The following CCDC30 variants were observed in gnomAD, a reference collection of about 807,000 sequenced individuals.
CCDC30 encodes coiled-coil domain-containing protein 30.
Under a neutral mutation model 100.2 loss-of-function variants are expected in CCDC30, and 70 were observed. The ratio of observed to expected loss-of-function variants is 0.70; its 90% CI spans 0.58 to 0.85. The LOEUF (loss-of-function observed/expected upper bound fraction) is 0.85, where lower values mean the gene tolerates loss of function less well. Among genes scored for constraint, CCDC30 ranks in the 40% least tolerant of loss-of-function variants. The pLI is 0.00. For missense variants in CCDC30, 652 were observed against 771.2 expected, an observed-to-expected ratio of 0.85 and a Z score of 1.83; for synonymous variants, 233 against 269.5, an observed-to-expected ratio of 0.86 and a Z score of 1.33.
At chr1:42,534,836 G>A (rs1351810836) in intron 6 of CCDC30, 3 of 151,818 alleles carry the variant, frequency 2.0e-5, no homozygotes, top group Admixed American at 6.6e-5. Flanking sequence ...AAGAAATGTC[G>A]CTTTTTTTCA....
intron 11 of CCDC30, among the ~76,000 whole-genome samples, chr1:42,636,245 C>G (rs900497836): frequency 2.0e-5 from 3 of 151,718 alleles, no homozygotes; most frequent in African/African-American, 7.3e-5. Flanking sequence ...TGTGAGACAC[C>G]CATCTCTACA....
intron 6 of CCDC30, among the ~76,000 whole-genome samples, chr1:42,502,053 A>T (rs139684072): frequency 0.13 from 19,685 of 152,142 alleles, 1,467 homozygotes; most frequent in East Asian, 0.18. Flanking sequence ...CTGCCCCCAG[A>T]GGTGGAGTCT....
intron 11 of CCDC30, among the ~76,000 whole-genome samples, chr1:42,621,497 T>TTTATTTATTTA (rs1553124497): frequency 6.9e-6 from 1 of 145,192 alleles, no homozygotes; most frequent in Non-Finnish European, 1.5e-5. Flanking sequence ...GTTTATTTTA[T>TTTATTTATTTA]TTTATTTATT....
chr1:42,560,500 G>T (rs1418406842), intron 6 of CCDC30, among the ~76,000 whole-genome samples: 2 of 152,022 alleles, frequency 1.3e-5, no homozygotes, highest in African/African-American at 2.4e-5. Context: ...CTCCCAAGTA[G>T]CTGGGATTAC....
At chr1:42,637,050 G>C (rs892184463) in intron 11 of CCDC30, among the ~76,000 whole-genome samples, 187 bp from the exon 16 acceptor site, 3 of 149,938 alleles carry the variant, frequency 2.0e-5, no homozygotes, top group Non-Finnish European at 4.4e-5. Context: ...GTGTTATATA[G>C]GGGGTTATCC....
chr1:42,479,203 C>G (rs1262710139), intron 1 of CCDC30, among the ~76,000 whole-genome samples: 1 of 152,122 alleles, frequency 6.6e-6, no homozygotes, highest in Non-Finnish European at 1.5e-5. Context: ...TGGTGAAACC[C>G]CATCTCTACT....
chr1:42,643,244 T>C (rs1433651196), intron 13 of CCDC30, among the ~76,000 whole-genome samples: 1 of 152,166 alleles, frequency 6.6e-6, no homozygotes, highest in Admixed American at 6.5e-5. Flanking sequence ...GAGGCACTAT[T>C]AGCCTTATTT....
chr1:42,617,478 G>A (rs1223352579), intron 11 of CCDC30, among the ~76,000 whole-genome samples: 2 of 152,112 alleles, frequency 1.3e-5, no homozygotes, highest in East Asian at 3.9e-4. Context: ...TCAAGACAGG[G>A]GAATTGCAAG....
intron 7 of CCDC30, among the ~76,000 whole-genome samples, chr1:42,575,649 C>CAAAAAAAAAAAAAGA (rs71065186): frequency 1.3e-5 from 1 of 76,950 alleles, no homozygotes; most frequent in African/African-American, 5.5e-5. Context: ...GACCCTGTCT[C>CAAAAAAAAAAAAAGA]AAAAAAAAAG....
chr1:42,554,497 C>T (rs140893767), intron 6 of CCDC30, among the ~76,000 whole-genome samples: 19,546 of 151,862 alleles, frequency 0.13, 1,449 homozygotes, highest in East Asian at 0.17. Context: ...AGGCTGGTCT[C>T]GAACTCCTGA....
At chr1:42,583,433 A>G (rs1268879451) in intron 9 of CCDC30, among the ~76,000 whole-genome samples, 3 of 152,230 alleles carry the variant, frequency 2.0e-5, no homozygotes, top group Admixed American at 1.3e-4. Flanking sequence ...CCTATAGTGT[A>G]TATTGTTTCA....
chr1:42,506,841 G>T (rs1644401838), intron 6 of CCDC30, among the ~76,000 whole-genome samples: 1 of 152,164 alleles, frequency 6.6e-6, no homozygotes, highest in African/African-American at 2.4e-5. Context: ...AAAATGATAA[G>T]TCAAAAAGCA....
chr1:42,551,371 A>T (rs901275252), intron 6 of CCDC30, among the ~76,000 whole-genome samples: 32 of 152,178 alleles, frequency 2.1e-4, no homozygotes, highest in Admixed American at 2.6e-4. Context: ...TTGCAGAAGT[A>T]TTGCATGATG....
At chr1:42,473,188 A>G (rs1415119811) in intron 1 of CCDC30, 1 of 1,231,264 alleles carries the variant, frequency 8.1e-7, no homozygotes, top group South Asian at 4.1e-5. Context: ...CCTTGCTACT[A>G]CAGAAGAACA....
chr1:42,649,557 C>G (rs529669765), intron 15 of CCDC30, among the ~76,000 whole-genome samples: 1 of 152,126 alleles, frequency 6.6e-6, no homozygotes, highest in African/African-American at 2.4e-5. Context: ...AGGATGCCCA[C>G]GCTCACCACT....
At chr1:42,472,325 A>T (rs1643797402) in intron 1 of CCDC30, among the ~76,000 whole-genome samples, 1 of 152,228 alleles carries the variant, frequency 6.6e-6, no homozygotes. Context: ...TTTATCTTTC[A>T]TATACTGTCA....
intron 1 of CCDC30, among the ~76,000 whole-genome samples, chr1:42,466,881 G>A (rs925106552): frequency 1.3e-5 from 2 of 152,140 alleles, no homozygotes; most frequent in South Asian, 4.1e-4. Context: ...ACTTTGTTGT[G>A]TGGGCAATTT....
chr1:42,481,823 A>G (rs185524019), intron 2 of CCDC30, among the ~76,000 whole-genome samples: 19 of 152,338 alleles, frequency 1.2e-4, no homozygotes, highest in Non-Finnish European at 2.2e-4. Context: ...ACTGTACATC[A>G]CAGTATTATT....
In CCDC30 at chr1:42,642,236, C is replaced by CAA. The variant is rs200832299; in HGVS notation, c.1420-235_1420-234dup. Among the ~76,000 whole-genome samples the CAA allele has an allele frequency of 1.6e-4, 24 of 145,974 alleles. No homozygotes were observed. The South Asian group carries it at 2.8e-3, about 17-fold the overall frequency. On this transcript the variant is annotated intron_variant, in intron 12 of 16. Coordinates refer to ENST00000668663, the Ensembl canonical transcript of CCDC30. ...GCAAGTTCTGTCTTAAACAAACAAACAAACAAAAAAATATATATATATATA... is the reference window on the plus strand; with the variant it reads ...GCAAGTTCTGTCTTAAACAAACAAACAAAAACAAAAAAATATATATATATATA...
Sources: gnomAD v4.1 joint callset for allele counts (sites outside exome capture counted in the v4.1 genomes callset) on GRCh38, gnomAD v4.1.1 for gene constraint, MANE v1.5 for transcripts, NCBI Gene and HGNC (gene_info 2026-07-23, HGNC 2026-07-21) for gene names.